The following ZNF431 variants were observed in gnomAD, a reference collection of about 807,000 sequenced individuals.
The protein encoded by ZNF431 is zinc finger protein 431.
In ZNF431, 34 loss-of-function variants were observed where a neutral mutation model predicts 57.0. The observed-to-expected ratio is 0.60, with a 90% CI of 0.45 to 0.79. ZNF431 has a LOEUF of 0.79. ZNF431 is among the 30% of genes least tolerant of loss of function. ZNF431 has a pLI of 0.00. For missense variants in ZNF431, 607 were observed against 667.1 expected (o/e 0.91, Z 0.99); for synonymous variants, 207 against 220.3 (o/e 0.94, Z 0.54).
In ZNF431 at chr19:21,180,686, C is replaced by G. The variant is rs932600962; in HGVS notation, c.320-1937C>G. 2.0e-5 allele frequency among the ~76,000 whole-genome samples: 3 copies of G among 152,134 alleles called. No homozygotes were observed. The South Asian group carries it at 6.2e-4, about 32-fold the overall frequency. ...ACTTCAGGCCAGGTGTCGTGGCTCA[C>G]ACCTATATTCCCAGCACTTTGGGAG... On this transcript the variant is annotated intron_variant, in intron 4 of 4. Coordinates refer to ENST00000311048, the MANE Select transcript of ZNF431 (RefSeq NM_133473.4).
chr19:21,189,739 T>G lies in ZNF431; in HGVS notation c.*5705T>G. 1 of 393,112 alleles carries G rather than the reference T, an allele frequency of 2.5e-6. No homozygotes were observed. The allele number at this position is 393,112 out of a possible 1,614,324, so 24.4% of individuals were successfully genotyped here. ...TCTACATCAATGGGATTAAGTTTTT[T>G]GGAATCCATGTGTAAGTGAAATTAT... On this transcript the variant is annotated 3_prime_UTR_variant, in exon 5 of 5. Transcript: ENST00000311048.
At chr19:21,156,205 C>A (rs896749608) in intron 2 of ZNF431, among the ~76,000 whole-genome samples, 1 of 152,236 alleles carries the variant, frequency 6.6e-6, no homozygotes, top group Middle Eastern at 3.2e-3. Context: ...GCCACAGCAA[C>A]CTGTTTTCCC....
intron 2 of ZNF431, among the ~76,000 whole-genome samples, chr19:21,160,141 C>T (rs1265217199): frequency 5.9e-5 from 9 of 152,002 alleles, no homozygotes; most frequent in Non-Finnish European, 2.9e-5. Flanking sequence ...CTTGCTTCTG[C>T]CTGGGATTCA....
rs1249635247 is a variant in ZNF431 at position 21,190,229 on chromosome 19, C to T, written c.*6195C>T. The T allele has an allele frequency of 4.9e-6, 1 of 203,508 alleles. No homozygotes were observed. The highest frequency in any genetic ancestry group is 2.3e-5 in the African/African-American group (1 of 43,496). 12.6% of individuals were successfully genotyped at this position (203,508 alleles called of 1,614,324 possible). A position where few individuals can be genotyped will look rare whatever the true frequency, so the allele number is the denominator to read the frequency against. On this transcript the variant is annotated 3_prime_UTR_variant, in exon 5 of 5. Transcript: ENST00000311048. ...ATAAATAGTATTCCATTATGTATAT[C>T]AACCACATTGTCTTTATTTACTCAT...
At chr19:21,144,671 CAG>C (rs1970033998) in intron 2 of ZNF431, among the ~76,000 whole-genome samples, 3 of 151,944 alleles carry the variant, frequency 2.0e-5, no homozygotes. Flanking sequence ...TGCATTCAAA[CAG>C]AATTCCAAGG....
rs377190237 is a variant in ZNF431, at chr19:21,183,749, A to T, written c.1446A>T (p.Lys482Asn). Residue 482 changes from lysine (K) to asparagine (N), a missense_variant, in exon 5 of 5, where the codon AAA (lysine) becomes AAT (asparagine). Transcript: ENST00000311048. ...TTHKRIHTGEKPYKCEECGKA... is the reference protein window; with the variant it reads ...TTHKRIHTGENPYKCEECGKA... ...ATAAGAGAATTCACACTGGAGAGAA[A>T]CCCTACAAATGTGAAGAATGTGGCA... 2 of 1,613,672 alleles carry T rather than the reference A, an allele frequency of 1.2e-6. No homozygotes were observed. Among genetic ancestry groups the T allele is most frequent in the Non-Finnish European group, 1.7e-6 (2 of 1,179,958 alleles).
intron 2 of ZNF431, among the ~76,000 whole-genome samples, chr19:21,159,330 GAT>G (rs148592796): frequency 6.6e-6 from 1 of 150,878 alleles, no homozygotes; most frequent in Admixed American, 6.6e-5. Context: ...ATAGAATTAT[GAT>G]ATATATATAT....
At chr19:21,161,835 G>A (rs557561590) in intron 2 of ZNF431, among the ~76,000 whole-genome samples, 9 of 152,174 alleles carry the variant, frequency 5.9e-5, no homozygotes, top group African/African-American at 1.9e-4. Context: ...TGTATTTTTA[G>A]TAGAGAGAAG....
chr19:21,149,505 A>G (rs1425005682), intron 2 of ZNF431: 2 of 164,212 alleles, frequency 1.2e-5, no homozygotes, highest in African/African-American at 2.4e-5. Context: ...GTTCTTTCAT[A>G]TCACACACAC....
chr19:21,161,710 G>A (rs1461961116), intron 2 of ZNF431, among the ~76,000 whole-genome samples: 2 of 152,142 alleles, frequency 1.3e-5, no homozygotes, highest in Non-Finnish European at 2.9e-5. Context: ...CTGGAGTGCA[G>A]TGGCGCAATC....
In ZNF431 at chr19:21,194,434, A is replaced by G. The variant is rs756392862; in HGVS notation, c.*10400A>G. On this transcript the variant is annotated 3_prime_UTR_variant, in exon 5 of 5. Coordinates refer to ENST00000311048, the MANE Select transcript of ZNF431 (RefSeq NM_133473.4). ...ATGTCTATGCTGCCTAGAGCAGCCTACAAAATAAGTTTTTGTTTTTTTATC... is the reference window on the plus strand; with the variant it reads ...ATGTCTATGCTGCCTAGAGCAGCCTGCAAAATAAGTTTTTGTTTTTTTATC... 3 of 152,178 alleles carry G rather than the reference A, an allele frequency of 2.0e-5. No homozygotes were observed. The highest frequency in any genetic ancestry group is 7.2e-5 in the African/African-American group (3 of 41,456). The allele number at this position is 152,178 out of a possible 1,614,324, so 9.4% of individuals were successfully genotyped here.
intron 4 of ZNF431, among the ~76,000 whole-genome samples, chr19:21,173,898 T>C (rs1175651172): frequency 6.6e-6 from 1 of 152,164 alleles, no homozygotes; most frequent in East Asian, 1.9e-4. Flanking sequence ...TTTTCCCATT[T>C]GAATATCTTT....
At chr19:21,167,709 C>G (rs371845074) in intron 4 of ZNF431, 43 bp downstream of exon 4, 8 of 1,402,628 alleles carry the variant, frequency 5.7e-6, no homozygotes, top group Non-Finnish European at 7.7e-6. Context: ...GATGAGAGGT[C>G]CAAAGCTTAA....
intron 4 of ZNF431, among the ~76,000 whole-genome samples, chr19:21,178,044 T>G (rs540729669): frequency 7.9e-5 from 12 of 152,250 alleles, no homozygotes; most frequent in African/African-American, 2.4e-4. Context: ...CTTCCCTTGT[T>G]AGATTTACTC....
At chr19:21,153,355 C>G (rs991858525) in intron 2 of ZNF431, among the ~76,000 whole-genome samples, 3 of 152,174 alleles carry the variant, frequency 2.0e-5, no homozygotes, top group Non-Finnish European at 4.4e-5. Flanking sequence ...TTTTACTCAG[C>G]CTCTATTCAA....
At chr19:21,169,279 G>A (rs189543310) in intron 4 of ZNF431, among the ~76,000 whole-genome samples, 1 of 152,228 alleles carries the variant, frequency 6.6e-6, no homozygotes, top group African/African-American at 2.4e-5. Flanking sequence ...TCCACAAACA[G>A]CAACTTTTTA....
chr19:21,142,169 C>T lies in ZNF431; in HGVS notation c.-15C>T, dbSNP rs2144907725. On this transcript the variant is annotated 5_prime_UTR_variant, in exon 1 of 5. Coordinates refer to ENST00000311048, the MANE Select transcript of ZNF431 (RefSeq NM_133473.4). The stretch of plus-strand genomic sequence containing the variant: ...ACCCACAGCTAAGACACCGGGACCC[C>T]CTGAAAGCCTAGAAATGGTGAGAGT... The T allele has an allele frequency of 6.2e-7, 1 of 1,612,934 alleles. No individual in the cohort carries two copies. The highest frequency in any genetic ancestry group is 8.5e-7 in the Non-Finnish European group (1 of 1,179,234).
chr19:21,150,035 C>G, intron 2 of ZNF431: 1 of 594,916 alleles, frequency 1.7e-6, no homozygotes, highest in Non-Finnish European at 3.2e-6. Context: ...AATTCCTGCT[C>G]GAAGGACACG....
chr19:21,161,124 T>C (rs559105379), intron 2 of ZNF431, among the ~76,000 whole-genome samples: 17 of 152,034 alleles, frequency 1.1e-4, no homozygotes, highest in Middle Eastern at 3.2e-3. Context: ...GCTGAGATCA[T>C]GCCACTGAAC....
Sources: allele counts gnomAD v4.1 joint callset (sites outside exome capture counted in the v4.1 genomes callset), GRCh38; gene constraint gnomAD v4.1.1; transcripts MANE v1.5; gene names NCBI Gene and HGNC (gene_info 2026-07-23, HGNC 2026-07-21).